The following DCC variants were observed in gnomAD, a reference collection of about 807,000 sequenced individuals.
The protein encoded by DCC is netrin receptor DCC.
In DCC, 58 loss-of-function variants were observed where a neutral mutation model predicts 172.5. The ratio of observed to expected loss-of-function variants is 0.34; its 90% confidence interval spans 0.27 to 0.42. The LOEUF (loss-of-function observed/expected upper bound fraction) is 0.42, where lower values mean the gene tolerates loss of function less well. DCC is among the 10% of genes least tolerant of loss of function. The pLI, the probability that DCC is intolerant of heterozygous loss-of-function variation, is 1.00. For missense variants in DCC, 1,740 were observed against 1,791.0 expected, an observed-to-expected ratio of 0.97 and a Z score of 0.51; for synonymous variants, 709 against 644.5, an observed-to-expected ratio of 1.10 and a Z score of -1.52.
At position 53,381,218 on chromosome 18, in the gene DCC, A is replaced by C. The variant is rs919473510; in HGVS notation, c.2360-4825A>C. The stretch of plus-strand genomic sequence containing the variant: ...CTCAGTACCAAGTAAGGTATTTTTA[A>C]TTTTTTTTCTTTTTTAAAAAAGAAA... On this transcript the variant is annotated intron_variant, in intron 15 of 28. Coordinates refer to ENST00000442544, the MANE Select transcript of DCC (RefSeq NM_005215.4). Among the ~76,000 whole-genome samples, 4 of 152,162 alleles carry C rather than the reference A, an allele frequency of 2.6e-5. No homozygotes were observed. The South Asian group carries it at 8.3e-4, about 32-fold the overall frequency.
rs527772260 is a variant in DCC at position 53,436,745 on chromosome 18, G to T, written c.3229+1536G>T. Among the ~76,000 whole-genome samples the T allele has an allele frequency of 2.6e-5, 4 of 152,228 alleles. No homozygotes were observed. In the East Asian group the frequency reaches 7.7e-4, roughly 29 times the overall value. ...GTAGAACGTCTTATGTTTAAACTTT[G>T]AGTCCATTTCTGCTGCTATTAAAAA... On this transcript the variant is annotated intron_variant, in intron 22 of 28. Coordinates refer to ENST00000442544, the MANE Select transcript of DCC (RefSeq NM_005215.4).
chr18:53,421,520 G>A (rs1253907864), intron 21 of DCC, among the ~76,000 whole-genome samples: 1 of 152,194 alleles, frequency 6.6e-6, no homozygotes, highest in African/African-American at 2.4e-5. Flanking sequence ...ACAGCCTGCT[G>A]TAAACTGCCC....
chr18:52,728,502 T>C (rs2036587865), intron 1 of DCC, among the ~76,000 whole-genome samples: 1 of 152,208 alleles, frequency 6.6e-6, no homozygotes, highest in African/African-American at 2.4e-5. Context: ...TTTTGATGCA[T>C]CTTCCAGGAA....
intron 2 of DCC, among the ~76,000 whole-genome samples, chr18:52,883,186 T>C (rs2039512677): frequency 6.6e-6 from 1 of 152,126 alleles, no homozygotes; most frequent in Non-Finnish European, 1.5e-5. Context: ...GATCATTGGG[T>C]CTCATGTTTT....
intron 1 of DCC, among the ~76,000 whole-genome samples, chr18:52,744,212 A>C (rs1013896258): frequency 6.6e-6 from 1 of 152,210 alleles, no homozygotes; most frequent in East Asian, 1.9e-4. Context: ...TAAAATTTAT[A>C]CTAAATTTGT....
intron 12 of DCC, among the ~76,000 whole-genome samples, chr18:53,291,739 G>A (rs2057007431): frequency 1.3e-5 from 2 of 152,126 alleles, no homozygotes; most frequent in Admixed American, 1.3e-4. Flanking sequence ...AGGACCTAGT[G>A]ATCTGAAAGA....
chr18:53,394,924 C>G (rs966390720), intron 17 of DCC, among the ~76,000 whole-genome samples: 1 of 151,048 alleles, frequency 6.6e-6, no homozygotes, highest in African/African-American at 2.4e-5. Flanking sequence ...GGTGGATCGC[C>G]TGAGGTCAGG....
At chr18:52,494,982 T>G (rs2030684897) in intron 1 of DCC, among the ~76,000 whole-genome samples, 2 of 152,110 alleles carry the variant, frequency 1.3e-5, no homozygotes, top group Admixed American at 1.3e-4. Context: ...GCTCACTAAT[T>G]TAACCCAATA....
At chr18:53,429,081 T>TTATATAATATATATTTTA (rs1473405610) in intron 21 of DCC, among the ~76,000 whole-genome samples, 2 of 86,992 alleles carry the variant, frequency 2.3e-5, no homozygotes, top group Admixed American at 1.6e-4. Flanking sequence ...AATATATATT[T>TTATATAATATATATTTTA]TATATAATAT....
rs553775941 is a variant in DCC at position 52,753,000 on chromosome 18, C to T, written c.412+626C>T. Among the ~76,000 whole-genome samples, 842 of 150,760 alleles carry T rather than the reference C, an allele frequency of 5.6e-3. 4 individuals are homozygous for T. The highest frequency in any genetic ancestry group is 0.012 in the African/African-American group (503 of 41,080). Reference sequence around the variant, plus strand: ...TGTATATCATATATACACACACACACATATATATATATATCTCATATTTTC... The same window carrying T: ...TGTATATCATATATACACACACACATATATATATATATATCTCATATTTTC... On this transcript the variant is annotated intron_variant, in intron 2 of 28. Transcript: ENST00000442544.
At chr18:53,501,267 C>T (rs1395777455) in intron 27 of DCC, among the ~76,000 whole-genome samples, 1 of 152,144 alleles carries the variant, frequency 6.6e-6, no homozygotes, top group Non-Finnish European at 1.5e-5. Context: ...AGCTATTAGT[C>T]TTAACCCCAT....
chr18:53,217,302 T>C (rs8099145), intron 12 of DCC, among the ~76,000 whole-genome samples: 40,031 of 101,510 alleles, frequency 0.39, 6,669 homozygotes, highest in Non-Finnish European at 0.46. Context: ...CACACACACA[T>C]ATGTATATAC....
chr18:52,722,840 G>A (rs528042073), intron 1 of DCC, among the ~76,000 whole-genome samples: 128 of 152,246 alleles, frequency 8.4e-4, no homozygotes, highest in African/African-American at 2.9e-3. Flanking sequence ...TCTCCTGTCT[G>A]CTGTATTCCC....
At position 53,535,593 on chromosome 18, in the gene DCC, A is replaced by G. The variant is rs950803634; in HGVS notation, c.*4940A>G. On this transcript the variant is annotated 3_prime_UTR_variant, in exon 29 of 29. Coordinates refer to ENST00000442544, the MANE Select transcript of DCC (RefSeq NM_005215.4). ...GTGAGAAAAGAAATTTTTTGTTGTT[A>G]CAAAACACCTTTTTTAACAAAAAGG... The G allele has an allele frequency of 3.3e-5, 5 of 152,206 alleles. No homozygotes were observed. The highest frequency in any genetic ancestry group is 1.2e-4 in the African/African-American group (5 of 41,456). 9.4% of individuals were successfully genotyped at this position (152,206 alleles called of 1,614,324 possible). A position where few individuals can be genotyped will look rare whatever the true frequency, so the allele number is the denominator to read the frequency against.
chr18:53,205,614 G>A (rs1375625388), intron 10 of DCC, among the ~76,000 whole-genome samples: 1 of 152,150 alleles, frequency 6.6e-6, no homozygotes, highest in Admixed American at 6.6e-5. Flanking sequence ...CAATTTTTTG[G>A]TTGAGTCTGC....
At chr18:53,409,394 G>C (rs1909854287) in intron 19 of DCC, among the ~76,000 whole-genome samples, 1 of 152,100 alleles carries the variant, frequency 6.6e-6, no homozygotes, top group South Asian at 2.1e-4. Flanking sequence ...GACTTACAAA[G>C]AATGTATTTG....
chr18:52,894,394 C>CAT (rs1245065924), intron 2 of DCC, among the ~76,000 whole-genome samples: 2 of 111,472 alleles, frequency 1.8e-5, no homozygotes, highest in African/African-American at 3.1e-5. Context: ...AAACAGGACA[C>CAT]ATACACACAC....
At chr18:53,470,353 C>T (rs542013772) in intron 25 of DCC, among the ~76,000 whole-genome samples, 1 of 152,170 alleles carries the variant, frequency 6.6e-6, no homozygotes, top group African/African-American at 2.4e-5. Flanking sequence ...CTTCATTGTC[C>T]ATATCACTAC....
chr18:53,438,560 C>G (rs551772378), intron 22 of DCC, among the ~76,000 whole-genome samples: 6 of 152,334 alleles, frequency 3.9e-5, no homozygotes, highest in African/African-American at 1.4e-4. Context: ...AGAAATAATT[C>G]TAACCTAATT....
Sources: allele counts gnomAD v4.1 joint callset (sites outside exome capture counted in the v4.1 genomes callset), GRCh38; gene constraint gnomAD v4.1.1; transcripts MANE v1.5; gene names NCBI Gene and HGNC (gene_info 2026-07-23, HGNC 2026-07-21).